RAI1: variants seen among roughly 807,000 people sequenced by gnomAD.
RAI1 encodes the protein retinoic acid induced 1, also known as retinoic acid-induced protein 1.
A neutral mutation model predicts 123.8 loss-of-function variants in RAI1; 9 were observed. That is an observed-to-expected ratio of 0.07 (90% CI 0.04 to 0.13). The LOEUF is 0.13. RAI1 is among the 10% of genes least tolerant of loss of function. The probability of loss-of-function intolerance (pLI) is 1.00; values close to 1 mark genes in which losing one functional copy is unlikely to be tolerated. For synonymous variants in RAI1, 1,231 were observed against 1,127.3 expected, an observed-to-expected ratio of 1.09 and a Z score of -1.84; for missense variants, 2,256 against 2,545.8, an observed-to-expected ratio of 0.89 and a Z score of 2.45.
chr17:17,765,191 G>A (rs1027082107), intron 2 of RAI1, among the ~76,000 whole-genome samples: 8 of 152,336 alleles, frequency 5.3e-5, no homozygotes, highest in East Asian at 1.9e-4. Context: ...TATACCTGCC[G>A]TGAACATTCT....
chr17:17,705,145 C>A (rs925397381), intron 1 of RAI1, among the ~76,000 whole-genome samples: 1 of 152,186 alleles, frequency 6.6e-6, no homozygotes, highest in Non-Finnish European at 1.5e-5. Flanking sequence ...CTGACTGATT[C>A]TTCATCATCA....
chr17:17,778,706 T>A (rs1223876243), intron 2 of RAI1: 1 of 456,690 alleles, frequency 2.2e-6, no homozygotes, highest in Non-Finnish European at 4.4e-6. Context: ...AAAGCCTCCC[T>A]TTCCGGAGCA....
At position 17,714,791 on chromosome 17, in the gene RAI1, T is replaced by C. The variant is rs546102829; in HGVS notation, c.-148-9237T>C. On this transcript the variant is annotated intron_variant, in intron 1 of 5. Transcript: ENST00000353383. This position sits in a 1 kb window ranked among gnomAD's most constrained non-coding sequence, Gnocchi z 4.9. ...GTGGGCTGAGCTCGGGCCATCCACT[T>C]GTCGTGGTGGGTGAAGGGTCTGGTC... Among the ~76,000 whole-genome samples the C allele has an allele frequency of 8.9e-4, 135 of 152,274 alleles. No individual in the cohort carries two copies. Among genetic ancestry groups the C allele is most frequent in the Non-Finnish European group, 2.1e-4 (14 of 68,014 alleles).
intron 2 of RAI1, among the ~76,000 whole-genome samples, chr17:17,757,271 C>A (rs894072080): frequency 1.3e-5 from 2 of 152,160 alleles, no homozygotes; most frequent in Admixed American, 6.5e-5. Context: ...GCTGCAGAGT[C>A]AGGAAAGATT....
chr17:17,687,185 G>C (rs987582799), intron 1 of RAI1, among the ~76,000 whole-genome samples: 1 of 152,158 alleles, frequency 6.6e-6, no homozygotes, highest in African/African-American at 2.4e-5. Flanking sequence ...TGATCAGGCT[G>C]GGGGAGAGAA....
Position 17,798,339 on chromosome 17 carries a change from C to T in RAI1, c.5391C>T (p.Ala1797=). ...DGREDGGEEA[A]PADKGRKHEC... is the part of the protein sequence containing the mutation. ...GGGAGGATGGGGGCGAGGAGGCAGC[C>T]CCAGCCGACAAGGGTCGCAAACATG... The change falls in exon 3 of 6, where the codon GCC becomes GCT. Residue 1797 remains alanine, a synonymous_variant. Transcript: ENST00000353383. 1 of 1,602,272 alleles carries T rather than the reference C, an allele frequency of 6.2e-7. No individual in the cohort carries two copies. Among genetic ancestry groups the T allele is most frequent in the Non-Finnish European group, 8.5e-7 (1 of 1,174,160 alleles).
chr17:17,728,010 C>CT (rs1387187371), intron 2 of RAI1, among the ~76,000 whole-genome samples: 1 of 152,010 alleles, frequency 6.6e-6, no homozygotes, highest in Non-Finnish European at 1.5e-5. Context: ...GTTTGTGTGC[C>CT]TTCCAGCTTG....
rs550913668 is a variant in RAI1 at position 17,745,898 on chromosome 17, C to T, written c.-17+21739C>T. Reference sequence around the variant, plus strand: ...AGGAGAGGGGCAGGCTTGGGCCCTGCGAGGTGGGTGCTGCCCTGGGCCATG... The same window carrying T: ...AGGAGAGGGGCAGGCTTGGGCCCTGTGAGGTGGGTGCTGCCCTGGGCCATG... On this transcript the variant is annotated intron_variant, in intron 2 of 5. Coordinates refer to ENST00000353383, the MANE Select transcript of RAI1 (RefSeq NM_030665.4). 2.6e-5 allele frequency among the ~76,000 whole-genome samples: 4 copies of T among 152,250 alleles called. No individual in the cohort carries two copies. In the South Asian group the frequency reaches 8.3e-4, roughly 32 times the overall value.
At chr17:17,773,084 G>A (rs1447118691) in intron 2 of RAI1, among the ~76,000 whole-genome samples, 1 of 139,216 alleles carries the variant, frequency 7.2e-6, no homozygotes, top group Non-Finnish European at 1.6e-5. Context: ...TGGATGGATG[G>A]ATGGATGGAT....
intron 1 of RAI1, among the ~76,000 whole-genome samples, chr17:17,704,126 A>C (rs985928222): frequency 6.6e-6 from 1 of 152,180 alleles, no homozygotes; most frequent in Non-Finnish European, 1.5e-5. Context: ...GCTTGCCAGG[A>C]AAGTGGAGTG....
intron 2 of RAI1, among the ~76,000 whole-genome samples, chr17:17,763,203 G>A (rs903022214): frequency 2.0e-5 from 3 of 152,216 alleles, no homozygotes; most frequent in African/African-American, 7.2e-5. Context: ...AAGGGGGACA[G>A]GTTTAAGACA....
At chr17:17,792,458 C>T (rs139052597) in intron 2 of RAI1, among the ~76,000 whole-genome samples, 1 of 151,966 alleles carries the variant, frequency 6.6e-6, no homozygotes, top group Non-Finnish European at 1.5e-5. Context: ...GACTAAATTA[C>T]AGGATCCAGC....
Position 17,809,129 on chromosome 17 carries a change from C to T in RAI1, c.5660-261C>T, listed in dbSNP as rs1245534690. 7 of 559,384 alleles carry T rather than the reference C, an allele frequency of 1.3e-5. No homozygotes were observed. The highest frequency in any genetic ancestry group is 1.6e-5 in the Non-Finnish European group (5 of 307,870). 34.7% of individuals were successfully genotyped at this position (559,384 alleles called of 1,614,324 possible). A position where few individuals can be genotyped will look rare whatever the true frequency, so the allele number is the denominator to read the frequency against. On this transcript the variant is annotated intron_variant, in intron 4 of 5. Coordinates refer to ENST00000353383, the MANE Select transcript of RAI1 (RefSeq NM_030665.4). The surrounding 1 kb of genome is among the most constrained non-coding windows in gnomAD (Gnocchi z 4.9). ...AGGGACTGCCTCAAGTGAGGAGGGG[C>T]GGCACGTGGAACTCAGGGGGAAAAG...
chr17:17,759,711 G>A (rs564529022), intron 2 of RAI1, among the ~76,000 whole-genome samples: 2 of 152,354 alleles, frequency 1.3e-5, no homozygotes, highest in Non-Finnish European at 2.9e-5. Flanking sequence ...AATGTTCGGT[G>A]CTTGTCTTCA....
chr17:17,810,578 G>A lies in RAI1; in HGVS notation c.*597G>A, dbSNP rs574953732. 13 of 324,496 alleles carry A rather than the reference G, an allele frequency of 4.0e-5. No homozygotes were observed. The highest frequency in any genetic ancestry group is 1.8e-4 in the African/African-American group (8 of 45,080). 20.1% of individuals were successfully genotyped at this position (324,496 alleles called of 1,614,324 possible). On this transcript the variant is annotated 3_prime_UTR_variant, in exon 6 of 6. Coordinates refer to ENST00000353383, the MANE Select transcript of RAI1 (RefSeq NM_030665.4). The surrounding 1 kb of genome is among the most constrained non-coding windows in gnomAD (Gnocchi z 4.6). Reference sequence around the variant, plus strand: ...GCCTTTGGAACAAACCGTGCGGAACGCGTCCAGGGGCCTTCCCGCCCAGCC... The same window carrying A: ...GCCTTTGGAACAAACCGTGCGGAACACGTCCAGGGGCCTTCCCGCCCAGCC...
chr17:17,746,015 A>G (rs575899097), intron 2 of RAI1, among the ~76,000 whole-genome samples: 9 of 152,300 alleles, frequency 5.9e-5, no homozygotes, highest in African/African-American at 2.2e-4. Flanking sequence ...GTTGGCATGC[A>G]TTGGGAGGCA....
chr17:17,774,561 C>T (rs1428855360), intron 2 of RAI1, among the ~76,000 whole-genome samples: 1 of 152,260 alleles, frequency 6.6e-6, no homozygotes, highest in Non-Finnish European at 1.5e-5. Flanking sequence ...GCCAGGACAG[C>T]GTGTCCGCCC....
At chr17:17,693,317 T>C (rs1914902819) in intron 1 of RAI1, among the ~76,000 whole-genome samples, 1 of 152,208 alleles carries the variant, frequency 6.6e-6, no homozygotes, top group Non-Finnish European at 1.5e-5. Flanking sequence ...CATCTCCTTA[T>C]CTCCTGGCAG....
At chr17:17,754,341 A>G (rs952724854) in intron 2 of RAI1, among the ~76,000 whole-genome samples, 2 of 150,174 alleles carry the variant, frequency 1.3e-5, no homozygotes, top group Non-Finnish European at 3.0e-5. Context: ...GGTTCAAGCA[A>G]CTCTCCTGCC....
Sources: allele counts gnomAD v4.1 joint callset (sites outside exome capture counted in the v4.1 genomes callset), GRCh38; gene constraint gnomAD v4.1.1; non-coding constraint Gnocchi (gnomAD v3.1); transcripts MANE v1.5; gene names NCBI Gene and HGNC (gene_info 2026-07-23, HGNC 2026-07-21).